The following CLNK variants were observed in gnomAD, a reference collection of about 807,000 sequenced individuals.
CLNK encodes the protein cytokine dependent hematopoietic cell linker.
A neutral mutation model predicts 68.6 loss-of-function variants in CLNK; 74 were observed. The observed-to-expected ratio is 1.08, with a 90% CI of 0.89 to 1.31. CLNK has a LOEUF of 1.31. Among genes scored for constraint, CLNK ranks in the 50% most tolerant of loss-of-function variants. CLNK has a pLI of 0.00. For missense variants in CLNK, 553 were observed against 515.3 expected (o/e 1.07, Z -0.71); for synonymous variants, 198 against 172.2 (o/e 1.15, Z -1.17).
At chr4:10,495,057 G>A (rs1287960246) in intron 18 of CLNK, among the ~76,000 whole-genome samples, 4 of 151,940 alleles carry the variant, frequency 2.6e-5, no homozygotes, top group Non-Finnish European at 5.9e-5. Flanking sequence ...TAAATGCCAA[G>A]CAAGCAGGAG....
intron 2 of CLNK, among the ~76,000 whole-genome samples, chr4:10,649,901 A>T (rs572076642): frequency 6.6e-6 from 1 of 152,344 alleles, no homozygotes; most frequent in South Asian, 2.1e-4. Context: ...AATGCTTCAG[A>T]TAACAGCAGC....
chr4:10,667,600 G>A (rs1314219224), intron 2 of CLNK, among the ~76,000 whole-genome samples: 3 of 151,986 alleles, frequency 2.0e-5, no homozygotes, highest in African/African-American at 4.8e-5. Flanking sequence ...CTAGCATCAT[G>A]GTGCTCGGAT....
At chr4:10,728,851 G>C in the CLNK span, among the ~76,000 whole-genome samples, 1 of 151,842 alleles carries the variant, frequency 6.6e-6, no homozygotes, top group Non-Finnish European at 1.5e-5. Flanking sequence ...TGCCCGCCTT[G>C]GCCTCCCAAA....
intron 3 of CLNK, among the ~76,000 whole-genome samples, chr4:10,591,242 T>G (rs1721167564): frequency 6.6e-6 from 1 of 151,866 alleles, no homozygotes; most frequent in Non-Finnish European, 1.5e-5. Flanking sequence ...GAGAGAGGAG[T>G]GGACTCTGTA....
rs754121825 is a variant in CLNK, at chr4:10,490,552, T to C, written c.1202A>G (p.Asp401Gly). 1 of 1,602,522 alleles carries C rather than the reference T, an allele frequency of 6.2e-7. No homozygotes were observed. The highest frequency in any genetic ancestry group is 8.5e-7 in the Non-Finnish European group (1 of 1,174,230). ...GTGGACCCCAGTTTTATCTTTCCCA[T>C]CAATTAGTATAATGGGAAAATTCTT... ...HYKNFPIILI[D>G]GKDKTGVHRK... The change falls in exon 19 of 19, where the codon GAT becomes GGT. Residue 401 changes from aspartate to glycine, a missense_variant. Physicochemically the swap from Asp to Gly is moderately conservative, Grantham distance 94. Coordinates refer to ENST00000226951, the MANE Select transcript of CLNK (RefSeq NM_052964.4).
chr4:10,505,475 A>G (rs1239822465), intron 17 of CLNK, among the ~76,000 whole-genome samples: 2 of 152,258 alleles, frequency 1.3e-5, no homozygotes, highest in East Asian at 1.9e-4. Context: ...TACCACTGCT[A>G]TAACAAATTA....
chr4:10,606,714 C>A (rs1721807108), intron 2 of CLNK, among the ~76,000 whole-genome samples: 1 of 152,072 alleles, frequency 6.6e-6, no homozygotes, highest in African/African-American at 2.4e-5. Context: ...ATGGGGTCAC[C>A]ATCATATAGA....
At chr4:10,511,167 A>AAT (rs1717566150) in intron 16 of CLNK, among the ~76,000 whole-genome samples, 1 of 150,234 alleles carries the variant, frequency 6.7e-6, no homozygotes. Context: ...CTCAAAAAAA[A>AAT]TTAAAAAAAA....
chr4:10,546,520 T>C (rs1250459550), intron 8 of CLNK, among the ~76,000 whole-genome samples: 1 of 152,230 alleles, frequency 6.6e-6, no homozygotes, highest in Non-Finnish European at 1.5e-5. Flanking sequence ...TTACTGTCTA[T>C]ATTTCTATCA....
chr4:10,529,012 G>C (rs908677651), intron 12 of CLNK, among the ~76,000 whole-genome samples: 1 of 152,032 alleles, frequency 6.6e-6, no homozygotes, highest in Non-Finnish European at 1.5e-5. Context: ...CTCTACCCTT[G>C]AAGAAGCAAA....
chr4:10,555,975 C>G (rs1207120414), intron 8 of CLNK, among the ~76,000 whole-genome samples: 1 of 152,144 alleles, frequency 6.6e-6, no homozygotes, highest in African/African-American at 2.4e-5. Flanking sequence ...GAAAATAACT[C>G]TTATTGGAGA....
At chr4:10,592,671 A>G (rs1304834443) in intron 3 of CLNK, among the ~76,000 whole-genome samples, 4 of 151,356 alleles carry the variant, frequency 2.6e-5, no homozygotes, top group South Asian at 2.1e-4. Flanking sequence ...CCATCAGCCA[A>G]TGTTTCTTGA....
intron 2 of CLNK, among the ~76,000 whole-genome samples, chr4:10,601,837 G>T (rs940047250): frequency 6.6e-6 from 1 of 152,166 alleles, no homozygotes; most frequent in Admixed American, 6.5e-5. Flanking sequence ...TGCTCGATTT[G>T]CTTGTCACAG....
At chr4:10,586,571 C>G (rs1720979289) in intron 3 of CLNK, among the ~76,000 whole-genome samples, 1 of 152,036 alleles carries the variant, frequency 6.6e-6, no homozygotes, top group Non-Finnish European at 1.5e-5. Context: ...CCTCGGCCTC[C>G]CACAGTGCTG....
intron 4 of CLNK, among the ~76,000 whole-genome samples, chr4:10,583,428 A>G (rs1170113578): frequency 6.6e-6 from 1 of 152,138 alleles, no homozygotes; most frequent in Non-Finnish European, 1.5e-5. Flanking sequence ...CTGGGACTAC[A>G]GGTGCCCACC....
intron 2 of CLNK, chr4:10,598,603 A>G (rs551347299): frequency 2.8e-5 from 11 of 389,010 alleles, no homozygotes; most frequent in South Asian, 1.9e-4. Context: ...GAGCTCCCAT[A>G]TCATTTAGGC....
At chr4:10,660,931 T>C (rs1179295036) in intron 2 of CLNK, among the ~76,000 whole-genome samples, 2 of 152,168 alleles carry the variant, frequency 1.3e-5, no homozygotes, top group African/African-American at 2.4e-5. Context: ...ATCCTACCTA[T>C]ATGACTTTGA....
chr4:10,699,291 TAC>T, the CLNK span, among the ~76,000 whole-genome samples: 28,284 of 53,204 alleles, frequency 0.53, 10,142 homozygotes, highest in Middle Eastern at 0.61. Context: ...CATACGTGTA[TAC>T]ACACACACAC....
At chr4:10,495,838 TGAG>T (rs888953876) in intron 18 of CLNK, among the ~76,000 whole-genome samples, 8 of 144,004 alleles carry the variant, frequency 5.6e-5, no homozygotes, top group African/African-American at 1.6e-4. Flanking sequence ...GAGAGAGAGA[TGAG>T]GAGAAGGTCA....
Sources: allele counts gnomAD v4.1 joint callset (sites outside exome capture counted in the v4.1 genomes callset), GRCh38; gene constraint gnomAD v4.1.1; transcripts MANE v1.5; gene names NCBI Gene and HGNC (gene_info 2026-07-23, HGNC 2026-07-21).